Variants in GALNTL6 observed in about 807,000 individuals in gnomAD.
GALNTL6 encodes polypeptide N-acetylgalactosaminyltransferase like 6.
In GALNTL6, 46 loss-of-function variants were observed where a neutral mutation model predicts 73.7. The observed-to-expected ratio is 0.62, with a 90% CI of 0.49 to 0.80. The LOEUF (loss-of-function observed/expected upper bound fraction) is 0.80. Ranked by LOEUF, GALNTL6 falls within the 30% of genes least tolerant of loss-of-function variation. GALNTL6 has a pLI of 0.00. For missense variants in GALNTL6, 604 were observed against 755.0 expected (o/e 0.80, Z 2.34); for synonymous variants, 259 against 263.7 (o/e 0.98, Z 0.17).
At chr4:172,808,819 C>G (rs964933462) in intron 5 of GALNTL6, among the ~76,000 whole-genome samples, 8 of 152,222 alleles carry the variant, frequency 5.3e-5, no homozygotes, top group Admixed American at 3.9e-4. Flanking sequence ...CACCTTTCCA[C>G]TTCAAATCAG....
intron 5 of GALNTL6, among the ~76,000 whole-genome samples, chr4:172,452,848 AG>A (rs1223502429): frequency 6.6e-6 from 1 of 152,214 alleles, no homozygotes; most frequent in Non-Finnish European, 1.5e-5. Flanking sequence ...TGGAAGAAAA[AG>A]AATATTAAGA....
At chr4:171,855,560 A>T (rs1358364670) in intron 2 of GALNTL6, among the ~76,000 whole-genome samples, 1 of 152,254 alleles carries the variant, frequency 6.6e-6, no homozygotes, top group Non-Finnish European at 1.5e-5. Flanking sequence ...TTGGGAAATT[A>T]TAATAAATGC....
chr4:172,176,369 C>A (rs1735000512), intron 2 of GALNTL6, among the ~76,000 whole-genome samples: 1 of 102,326 alleles, frequency 9.8e-6, no homozygotes. Context: ...GTGTATTCAG[C>A]ATATTTATTG....
In GALNTL6 at chr4:172,952,708, GT is replaced by G. The variant is rs1749520294; in HGVS notation, c.1371+454del. ...TTTTTGTATTTTTAGTAGAGACGGG[GT>G]TTTGCCATTTTGGCCAGGCTAGTCT... On this transcript the variant is annotated intron_variant, in intron 10 of 12. Transcript: ENST00000506823. 2.0e-5 allele frequency among the ~76,000 whole-genome samples: 3 copies of G among 152,224 alleles called. No homozygotes were observed. In the South Asian group the frequency reaches 6.2e-4, roughly 32 times the overall value.
chr4:172,916,282 C>T (rs1159664960), intron 8 of GALNTL6, among the ~76,000 whole-genome samples: 3 of 152,164 alleles, frequency 2.0e-5, no homozygotes, highest in Admixed American at 2.0e-4. Context: ...AAACCCACAG[C>T]CAATATCATA....
intron 5 of GALNTL6, among the ~76,000 whole-genome samples, chr4:172,364,575 T>C (rs1350269018): frequency 6.6e-6 from 1 of 152,198 alleles, no homozygotes. Context: ...ATGAACCTAC[T>C]AACATTTGAA....
At chr4:172,614,688 C>T (rs918910857) in intron 5 of GALNTL6, among the ~76,000 whole-genome samples, 15 of 152,068 alleles carry the variant, frequency 9.9e-5, no homozygotes, top group African/African-American at 3.1e-4. Flanking sequence ...TAGACAGGTG[C>T]GTAAAATCCT....
chr4:171,923,188 T>C lies in GALNTL6; in HGVS notation c.138+108470T>C, dbSNP rs531253615. 2.1e-3 allele frequency among the ~76,000 whole-genome samples: 324 copies of C among 152,276 alleles called. 1 individual carries two copies. Among genetic ancestry groups the C allele is most frequent in the African/African-American group, 7.5e-3 (313 of 41,564 alleles). On this transcript the variant is annotated intron_variant, in intron 2 of 12. Transcript: ENST00000506823. ...CAGTCTTTAAAGCAGTTTTGTTCTCTTTGTTTTGTTTCAATTTATGGAGAG... is the reference window on the plus strand; with the variant it reads ...CAGTCTTTAAAGCAGTTTTGTTCTCCTTGTTTTGTTTCAATTTATGGAGAG...
At chr4:172,959,234 G>A (rs1579709502) in intron 10 of GALNTL6, among the ~76,000 whole-genome samples, 1 of 152,038 alleles carries the variant, frequency 6.6e-6, no homozygotes, top group Non-Finnish European at 1.5e-5. Context: ...GAGATACAAG[G>A]AGAGGATGTG....
intron 10 of GALNTL6, among the ~76,000 whole-genome samples, chr4:173,007,582 G>T (rs974021806): frequency 2.0e-5 from 3 of 152,086 alleles, no homozygotes; most frequent in African/African-American, 7.2e-5. Context: ...CGAGGCAGGT[G>T]GATCAAGTGA....
intron 10 of GALNTL6, among the ~76,000 whole-genome samples, chr4:172,956,295 G>T (rs768250973): frequency 4.6e-5 from 7 of 152,048 alleles, no homozygotes; most frequent in Non-Finnish European, 8.8e-5. Flanking sequence ...TTGTCATATA[G>T]AATTATTGGT....
chr4:172,942,566 C>G (rs1346772377), intron 9 of GALNTL6, among the ~76,000 whole-genome samples: 1 of 152,212 alleles, frequency 6.6e-6, no homozygotes, highest in Non-Finnish European at 1.5e-5. Context: ...GAACACCATT[C>G]AGATTGTCCC....
In GALNTL6 at chr4:172,609,601, TTCTC is replaced by T. The variant is rs71592087; in HGVS notation, c.554-199738_554-199735del. ...TCATCAAGGATATTGGCCTGAAGTT[TTCTC>T]TCTCTCTCTCTCTCTCTCTCTGTGT... On this transcript the variant is annotated intron_variant, in intron 5 of 12. Coordinates refer to ENST00000506823, the MANE Select transcript of GALNTL6 (RefSeq NM_001034845.3). Among the ~76,000 whole-genome samples the T allele has an allele frequency of 1.8e-4, 20 of 113,896 alleles. No individual in the cohort carries two copies. The East Asian group carries it at 2.8e-3, about 16-fold the overall frequency. 74.7% of individuals were successfully genotyped at this position (113,896 alleles called of 152,430 possible).
Position 172,335,965 on chromosome 4 carries a change from T to C in GALNTL6, c.387-12558T>C, listed in dbSNP as rs548182030. ...TTCACTTCCACTCTGATTTTAGTTA[T>C]TTATTTTCTTCCACTTGCTTCACGG... On this transcript the variant is annotated intron_variant, in intron 4 of 12. Transcript: ENST00000506823. Among the ~76,000 whole-genome samples the C allele has an allele frequency of 9.6e-4, 146 of 152,158 alleles. 1 individual carries two copies. The highest frequency in any genetic ancestry group is 1.4e-3 in the Non-Finnish European group (95 of 68,024).
At chr4:172,198,303 C>T (rs1735842652) in intron 2 of GALNTL6, among the ~76,000 whole-genome samples, 2 of 151,154 alleles carry the variant, frequency 1.3e-5, no homozygotes, top group South Asian at 4.2e-4. Context: ...AAACAAAAAT[C>T]CTATCATCAG....
chr4:172,259,313 G>A (rs1473839805), intron 3 of GALNTL6, among the ~76,000 whole-genome samples: 1 of 151,120 alleles, frequency 6.6e-6, no homozygotes, highest in Non-Finnish European at 1.5e-5. Context: ...CAGGAGTAAA[G>A]TGTTATGTCA....
intron 6 of GALNTL6, among the ~76,000 whole-genome samples, chr4:172,811,470 G>A (rs1741296723): frequency 6.6e-6 from 1 of 152,208 alleles, no homozygotes; most frequent in Non-Finnish European, 1.5e-5. Flanking sequence ...TAAAATACCT[G>A]CAGGGATGAG....
At chr4:172,170,805 C>T (rs1415355838) in intron 2 of GALNTL6, among the ~76,000 whole-genome samples, 3 of 152,056 alleles carry the variant, frequency 2.0e-5, no homozygotes, top group Admixed American at 6.6e-5. Context: ...TGAGACACCA[C>T]GCCCTGCTGG....
At chr4:172,557,374 G>T (rs1736186846) in intron 5 of GALNTL6, among the ~76,000 whole-genome samples, 1 of 152,056 alleles carries the variant, frequency 6.6e-6, no homozygotes, top group Non-Finnish European at 1.5e-5. Context: ...AACTAACCAG[G>T]AGAGAAAAAA....
Sources: allele counts gnomAD v4.1 joint callset (sites outside exome capture counted in the v4.1 genomes callset), GRCh38; gene constraint gnomAD v4.1.1; transcripts MANE v1.5; gene names NCBI Gene and HGNC (gene_info 2026-07-23, HGNC 2026-07-21).